Variants in BEND7 observed in about 807,000 individuals in gnomAD.
BEND7 encodes the protein BEN domain-containing protein 7.
BEND7 carries 28 observed loss-of-function variants against 50.9 expected under a neutral mutation model. That is an observed-to-expected ratio of 0.55 (90% CI 0.41 to 0.75). The LOEUF (loss-of-function observed/expected upper bound fraction) is 0.75, where lower values mean the gene tolerates loss of function less well. BEND7 is among the 30% of genes least tolerant of loss of function. The pLI is 0.00. For synonymous variants in BEND7, 170 were observed against 183.9 expected (o/e 0.92, Z 0.61); for missense variants, 477 against 491.3 (o/e 0.97, Z 0.28).
At chr10:13,519,595 C>T (rs555763771) in intron 2 of BEND7, among the ~76,000 whole-genome samples, 1 of 152,204 alleles carries the variant, frequency 6.6e-6, no homozygotes, top group African/African-American at 2.4e-5. Flanking sequence ...TTTTACCATA[C>T]AGGATTTCGC....
chr10:13,473,309 C>T (rs1180825273), intron 6 of BEND7, among the ~76,000 whole-genome samples: 5 of 151,090 alleles, frequency 3.3e-5, no homozygotes, highest in Admixed American at 2.0e-4. Flanking sequence ...TATCCGTCAT[C>T]GCTGTTAGAC....
intron 6 of BEND7, among the ~76,000 whole-genome samples, chr10:13,477,025 G>C (rs2075495232): frequency 6.6e-6 from 1 of 152,084 alleles, no homozygotes. Flanking sequence ...TTATTTTTAA[G>C]ATACTGTCAT....
At chr10:13,459,531 G>A (rs1839783612) in intron 6 of BEND7, 1 of 152,166 alleles carries the variant, frequency 6.6e-6, no homozygotes, top group African/African-American at 2.4e-5. Flanking sequence ...ACTACGAGAG[G>A]GTGGGAAAGA....
At chr10:13,450,633 C>T (rs950636185) in intron 7 of BEND7, among the ~76,000 whole-genome samples, 6 of 152,204 alleles carry the variant, frequency 3.9e-5, no homozygotes, top group South Asian at 2.1e-4. Flanking sequence ...CTGCTAGGAA[C>T]GCAGAAGAGA....
intron 6 of BEND7, among the ~76,000 whole-genome samples, chr10:13,470,361 TC>T (rs2074690985): frequency 1.3e-5 from 2 of 152,338 alleles, no homozygotes; most frequent in African/African-American, 2.4e-5. Flanking sequence ...CAATGCACAT[TC>T]TACTGTAGTG....
At chr10:13,455,748 A>G (rs1838825146) in intron 6 of BEND7, among the ~76,000 whole-genome samples, 1 of 152,118 alleles carries the variant, frequency 6.6e-6, no homozygotes, top group East Asian at 1.9e-4. Flanking sequence ...GAAAGGGAAG[A>G]TGGTCGATTC....
intron 2 of BEND7, chr10:13,502,835 C>T: frequency 1.1e-6 from 1 of 923,150 alleles, no homozygotes; most frequent in South Asian, 5.0e-5. Context: ...GCAGCCATAG[C>T]CAGGCCACAT....
intron 2 of BEND7, among the ~76,000 whole-genome samples, chr10:13,507,643 A>G (rs375584150): frequency 6.6e-6 from 1 of 152,222 alleles, no homozygotes; most frequent in Non-Finnish European, 1.5e-5. Context: ...AAGAAAAACA[A>G]TGAACTGAAA....
Position 13,491,587 on chromosome 10 carries a change from T to A in BEND7, c.837+1024A>T, listed in dbSNP as rs989719977. On this transcript the variant is annotated intron_variant, in intron 5 of 8. Coordinates refer to ENST00000466271, the MANE Select transcript of BEND7 (RefSeq NM_001369863.1). Reference sequence around the variant, plus strand: ...AGATTTCAAAAAAAAAAAAGAACCTTTAACACCGAGAATTAGGTAAAAGTT... The same window carrying A: ...AGATTTCAAAAAAAAAAAAGAACCTATAACACCGAGAATTAGGTAAAAGTT... Among the ~76,000 whole-genome samples the A allele has an allele frequency of 2.6e-5, 4 of 151,968 alleles. No homozygotes were observed. In the East Asian group the frequency reaches 7.7e-4, roughly 29 times the overall value.
chr10:13,528,554 G>A lies in BEND7; in HGVS notation c.-21C>T. 1 of 1,012,440 alleles carries A rather than the reference G, an allele frequency of 9.9e-7. No homozygotes were observed. The allele number at this position is 1,012,440 out of a possible 1,614,324, so 62.7% of individuals were successfully genotyped here. ...TCCATGGTGCGGGGAAGGCGGCGGC[G>A]GGGGCTGAGGAGGCGGCGGCAGCGG... On this transcript the variant is annotated 5_prime_UTR_variant, in exon 1 of 9. Coordinates refer to ENST00000466271, the MANE Select transcript of BEND7 (RefSeq NM_001369863.1).
In BEND7 at chr10:13,467,465, CT is replaced by C. The variant is rs753267211; in HGVS notation, c.1063+13433del. ...ATGAAAGAAAGCATGACATACTACACTTTCCATGTGGCATACCGTGGAGGTT... is the reference window on the plus strand; with the variant it reads ...ATGAAAGAAAGCATGACATACTACACTTCCATGTGGCATACCGTGGAGGTT... On this transcript the variant is annotated intron_variant, in intron 6 of 8. Coordinates refer to ENST00000466271, the MANE Select transcript of BEND7 (RefSeq NM_001369863.1). 2.8e-4 allele frequency among the ~76,000 whole-genome samples: 42 copies of C among 152,346 alleles called. 1 individual carries two copies. The highest frequency in any genetic ancestry group is 9.8e-4 in the Admixed American group (15 of 15,302).
chr10:13,527,145 G>C (rs968961159), intron 1 of BEND7, among the ~76,000 whole-genome samples: 6 of 152,302 alleles, frequency 3.9e-5, no homozygotes, highest in Admixed American at 3.3e-4. Context: ...ATTCCTGAAT[G>C]AATCAGATAG....
intron 5 of BEND7, among the ~76,000 whole-genome samples, chr10:13,483,621 G>A (rs1311862110): frequency 6.6e-6 from 1 of 152,208 alleles, no homozygotes; most frequent in African/African-American, 2.4e-5. Context: ...GGTACCTCCA[G>A]GAGTTGGGTG....
chr10:13,459,826 G>A (rs1839847032), intron 6 of BEND7: 1 of 152,218 alleles, frequency 6.6e-6, no homozygotes, highest in Non-Finnish European at 1.5e-5. Flanking sequence ...TGGGGTCAAG[G>A]GGCTAGAAAT....
At chr10:13,465,870 ATCTC>A (rs937066579) in intron 6 of BEND7, among the ~76,000 whole-genome samples, 1 of 94,524 alleles carries the variant, frequency 1.1e-5, no homozygotes, top group Admixed American at 1.3e-4. Context: ...GGCCACAGCT[ATCTC>A]TCTCTCTCTC....
downstream of BEND7, chr10:13,438,785 G>T: frequency 5.3e-6 from 1 of 189,000 alleles, no homozygotes. Context: ...TAAGACAATG[G>T]GATACAGCGG....
chr10:13,464,492 A>G (rs561339738), intron 6 of BEND7, among the ~76,000 whole-genome samples: 59 of 152,342 alleles, frequency 3.9e-4, no homozygotes, highest in Middle Eastern at 3.4e-3. Context: ...ACAAGTGGCA[A>G]AGTAAGAATG....
At chr10:13,511,215 G>A (rs1383792587) in intron 2 of BEND7, 1 of 152,154 alleles carries the variant, frequency 6.6e-6, no homozygotes, top group Non-Finnish European at 1.5e-5. Flanking sequence ...CAAATAACTA[G>A]TCAAGTGTAT....
intron 7 of BEND7, among the ~76,000 whole-genome samples, chr10:13,451,664 G>T (rs1837739686): frequency 6.6e-6 from 1 of 151,778 alleles, no homozygotes; most frequent in Admixed American, 6.6e-5. Context: ...CAACGTGCAG[G>T]TTTGTTACAT....
Sources: allele counts gnomAD v4.1 joint callset (sites outside exome capture counted in the v4.1 genomes callset), GRCh38; gene constraint gnomAD v4.1.1; transcripts MANE v1.5; gene names NCBI Gene and HGNC (gene_info 2026-07-23, HGNC 2026-07-21).